CACNA1D: variants seen among roughly 807,000 people sequenced by gnomAD.
CACNA1D encodes calcium voltage-gated channel subunit alpha1 D, also known as voltage-dependent L-type calcium channel subunit alpha-1D.
Under a neutral mutation model 257.1 loss-of-function variants are expected in CACNA1D, and 55 were observed. The ratio of observed to expected loss-of-function variants is 0.21; its 90% confidence interval spans 0.17 to 0.27. CACNA1D has a LOEUF of 0.27. Ranked by LOEUF, CACNA1D falls within the 10% of genes least tolerant of loss-of-function variation. CACNA1D has a pLI of 1.00. For synonymous variants in CACNA1D, 980 were observed against 1,014.9 expected, an observed-to-expected ratio of 0.97 and a Z score of 0.65; for missense variants, 1,876 against 2,784.0, an observed-to-expected ratio of 0.67 and a Z score of 7.34.
At chr3:53,769,637 G>C (rs949980386) in intron 30 of CACNA1D, among the ~76,000 whole-genome samples, 1 of 152,236 alleles carries the variant, frequency 6.6e-6, no homozygotes, top group African/African-American at 2.4e-5. Flanking sequence ...CCACAGCCCT[G>C]ACTAAGCCAA....
At chr3:53,559,058 A>G (rs747522189) in intron 3 of CACNA1D, among the ~76,000 whole-genome samples, 1 of 151,566 alleles carries the variant, frequency 6.6e-6, no homozygotes, top group Non-Finnish European at 1.5e-5. Context: ...GCTTATTTTT[A>G]TAATCTTTTT....
rs146540139 is a variant in CACNA1D at position 53,749,366 on chromosome 3, T to C, written c.3413T>C (p.Ile1138Thr). 27 of 1,611,358 alleles carry C rather than the reference T, an allele frequency of 1.7e-5. No individual in the cohort carries two copies. Among genetic ancestry groups the C allele is most frequent in the Middle Eastern group, 1.6e-4 (1 of 6,082 alleles). ...ISIFFIIYII[I>T]VAFFMMNIFV... Reference sequence around the variant, plus strand: ...ATCTTCTTCATCATCTACATCATCATTGTAGCTTTCTTCATGATGAACATC... The same window carrying C: ...ATCTTCTTCATCATCTACATCATCACTGTAGCTTTCTTCATGATGAACATC... Residue 1138 changes from isoleucine (I) to threonine (T), a missense_variant, in exon 27 of 48, where the codon ATT (isoleucine) becomes ACT (threonine). Coordinates refer to ENST00000350061, the MANE Select transcript of CACNA1D (RefSeq NM_001128840.3).
At chr3:53,626,334 A>G (rs1026514592) in intron 3 of CACNA1D, among the ~76,000 whole-genome samples, 3 of 152,176 alleles carry the variant, frequency 2.0e-5, no homozygotes, top group African/African-American at 7.2e-5. Flanking sequence ...TTGAGACCCA[A>G]GTTTTGCCCC....
chr3:53,665,639 A>G, intron 5 of CACNA1D, 21 bp from the exon 6 acceptor site: 1 of 1,578,192 alleles, frequency 6.3e-7, no homozygotes, highest in South Asian at 1.1e-5. Context: ...TCACAAACTT[A>G]TTTTTTTTTG....
chr3:53,760,951 G>T (rs759531690), intron 29 of CACNA1D, among the ~76,000 whole-genome samples: 1 of 152,174 alleles, frequency 6.6e-6, no homozygotes, highest in African/African-American at 2.4e-5. Flanking sequence ...TGGTAGAGCT[G>T]CAGACAAAGA....
rs567949370 is a variant in CACNA1D, at chr3:53,813,594, T to A, written c.*2188T>A. The A allele has an allele frequency of 1.3e-5, 2 of 152,220 alleles. No homozygotes were observed. The highest frequency in any genetic ancestry group is 2.9e-5 in the Non-Finnish European group (2 of 68,054). The allele number at this position is 152,220 out of a possible 1,614,324, so 9.4% of individuals were successfully genotyped here. On this transcript the variant is annotated 3_prime_UTR_variant, in exon 48 of 48. Coordinates refer to ENST00000350061, the MANE Select transcript of CACNA1D (RefSeq NM_001128840.3). The stretch of plus-strand genomic sequence containing the variant: ...AAAATTGCCAGACCAGGACCCTAAG[T>A]GTCTGATAGAGGCGATGATCTTTTC...
chr3:53,530,415 G>T (rs534829773), intron 3 of CACNA1D: 1 of 152,322 alleles, frequency 6.6e-6, no homozygotes, highest in South Asian at 2.1e-4. Context: ...GTGCTCAGCA[G>T]TACTTCTTGT....
intron 3 of CACNA1D, among the ~76,000 whole-genome samples, chr3:53,598,600 A>AAT (rs565586079): frequency 3.8e-3 from 571 of 152,094 alleles, no homozygotes; most frequent in Non-Finnish European, 6.2e-3. Flanking sequence ...AAAAAAAAAA[A>AAT]AAAGAAAACC....
chr3:53,754,828 T>C (rs752739067), intron 29 of CACNA1D, among the ~76,000 whole-genome samples: 8 of 152,228 alleles, frequency 5.3e-5, no homozygotes, highest in Non-Finnish European at 1.0e-4. Flanking sequence ...AAATGGATGG[T>C]TTCACATACT....
intron 21 of CACNA1D, among the ~76,000 whole-genome samples, chr3:53,741,003 A>G (rs1311295097): frequency 1.3e-5 from 2 of 152,192 alleles, no homozygotes; most frequent in Admixed American, 1.3e-4. Context: ...ATGGGCTTAC[A>G]TTTACACAAA....
chr3:53,787,830 C>G (rs911893603), intron 40 of CACNA1D, among the ~76,000 whole-genome samples: 31 of 152,154 alleles, frequency 2.0e-4, no homozygotes, highest in Non-Finnish European at 1.0e-4. Flanking sequence ...GAAGAGGGAA[C>G]CACAGAGGCT....
At position 53,718,679 on chromosome 3, in the gene CACNA1D, T is replaced by C. The variant is rs2094848064; in HGVS notation, c.1478+291T>C. 1 of 1,551,742 alleles carries C rather than the reference T, an allele frequency of 6.4e-7. No homozygotes were observed. Among genetic ancestry groups the C allele is most frequent in the African/African-American group, 1.4e-5 (1 of 73,160 alleles). On this transcript the variant is annotated intron_variant, in intron 10 of 47. Transcript: ENST00000350061. ...TAACCTGGCCACCTGCTGTGTCCATTAGGTGCTGGTGGAGACGGAGAGGCG... is the reference window on the plus strand; with the variant it reads ...TAACCTGGCCACCTGCTGTGTCCATCAGGTGCTGGTGGAGACGGAGAGGCG...
intron 3 of CACNA1D, among the ~76,000 whole-genome samples, chr3:53,625,721 A>G (rs927012920): frequency 2.0e-5 from 3 of 152,234 alleles, no homozygotes; most frequent in Non-Finnish European, 4.4e-5. Flanking sequence ...ACTATAATCC[A>G]TAACCACCCA....
At chr3:53,718,412 T>C in intron 10 of CACNA1D, 24 bp downstream of exon 10, 1 of 1,595,222 alleles carries the variant, frequency 6.3e-7, no homozygotes, top group Non-Finnish European at 8.6e-7. Context: ...GCACTTGCCC[T>C]CTTTCCCCTC....
At chr3:53,634,663 A>T (rs1448199033) in intron 3 of CACNA1D, among the ~76,000 whole-genome samples, 2 of 152,204 alleles carry the variant, frequency 1.3e-5, no homozygotes, top group Non-Finnish European at 2.9e-5. Context: ...CCTTCTGTGT[A>T]ACATTCACAA....
intron 3 of CACNA1D, among the ~76,000 whole-genome samples, chr3:53,646,300 G>A (rs1428877485): frequency 6.6e-6 from 1 of 152,208 alleles, no homozygotes; most frequent in Non-Finnish European, 1.5e-5. Context: ...GAGATCAGCT[G>A]TTGTCCTAGC....
At chr3:53,636,254 A>T (rs1379490721) in intron 3 of CACNA1D, among the ~76,000 whole-genome samples, 1 of 152,184 alleles carries the variant, frequency 6.6e-6, no homozygotes, top group African/African-American at 2.4e-5. Flanking sequence ...AATACATTGT[A>T]ACTCTCAAGC....
At position 53,719,797 on chromosome 3, in the gene CACNA1D, C is replaced by A; in HGVS notation, c.1505+16C>A. On this transcript the variant is annotated intron_variant, in intron 11 of 47. Coordinates refer to ENST00000350061, the MANE Select transcript of CACNA1D (RefSeq NM_001128840.3). ...CCAAACTCAGGTCAGTATCTTCTTT[C>A]TGTTTCTTCGTCAGCCTGTGTGTTG... The A allele has an allele frequency of 6.2e-7, 1 of 1,611,392 alleles. No homozygotes were observed. The highest frequency in any genetic ancestry group is 2.2e-5 in the East Asian group (1 of 44,876).
At chr3:53,635,729 T>C (rs1050988395) in intron 3 of CACNA1D, among the ~76,000 whole-genome samples, 4 of 152,224 alleles carry the variant, frequency 2.6e-5, no homozygotes, top group African/African-American at 7.2e-5. Context: ...CCATCCTGCC[T>C]TCTGCTATTC....
Sources: allele counts gnomAD v4.1 joint callset (sites outside exome capture counted in the v4.1 genomes callset), GRCh38; gene constraint gnomAD v4.1.1; transcripts MANE v1.5; gene names NCBI Gene and HGNC (gene_info 2026-07-23, HGNC 2026-07-21).